CDH18: variants seen among roughly 807,000 people sequenced by gnomAD.
CDH18 encodes cadherin-18.
A neutral mutation model predicts 67.9 loss-of-function variants in CDH18; 31 were observed. The ratio of observed to expected loss-of-function variants is 0.46; its 90% CI spans 0.34 to 0.62. The LOEUF is 0.62. Among genes scored for constraint, CDH18 ranks in the 20% least tolerant of loss-of-function variants. CDH18 has a pLI of 0.01. For missense variants in CDH18, 890 were observed against 975.5 expected, an observed-to-expected ratio of 0.91 and a Z score of 1.17; for synonymous variants, 362 against 347.2, an observed-to-expected ratio of 1.04 and a Z score of -0.48.
At chr5:20,095,392 G>GAAGA (rs746033336) in intron 2 of CDH18, among the ~76,000 whole-genome samples, 15,975 of 64,236 alleles carry the variant, frequency 0.25, 2,483 homozygotes, top group Middle Eastern at 0.29. Context: ...AAGAGAAACA[G>GAAGA]AAGAAAGAAA....
intron 1 of CDH18, among the ~76,000 whole-genome samples, chr5:20,400,501 A>ATAAT (rs1420495728): frequency 6.6e-6 from 1 of 151,694 alleles, no homozygotes; most frequent in Non-Finnish European, 1.5e-5. Flanking sequence ...AAATAAATAA[A>ATAAT]TACATAAAAA....
chr5:20,264,404 T>G (rs1001374232), intron 1 of CDH18, among the ~76,000 whole-genome samples: 9 of 152,112 alleles, frequency 5.9e-5, no homozygotes, highest in Admixed American at 3.9e-4. Context: ...AAGTTGTGAA[T>G]GATAGCCCAA....
chr5:19,505,103 G>A (rs1008585793), intron 10 of CDH18, among the ~76,000 whole-genome samples: 1 of 151,924 alleles, frequency 6.6e-6, no homozygotes, highest in Non-Finnish European at 1.5e-5. Context: ...TAAACAGAAA[G>A]CTCACATATG....
intron 2 of CDH18, among the ~76,000 whole-genome samples, chr5:20,236,408 T>C (rs140312368): frequency 0.011 from 1,711 of 151,798 alleles, 34 homozygotes; most frequent in African/African-American, 0.039. Flanking sequence ...CCAGAAATAT[T>C]ATGTTTCAAA....
chr5:20,172,299 G>C, intron 2 of CDH18, among the ~76,000 whole-genome samples: 1 of 132,322 alleles, frequency 7.6e-6, no homozygotes, highest in Non-Finnish European at 1.6e-5. Context: ...AGATTTAGTA[G>C]CATGCAAATC....
intron 2 of CDH18, among the ~76,000 whole-genome samples, chr5:20,101,189 T>G (rs907125365): frequency 1.3e-5 from 2 of 152,106 alleles, no homozygotes; most frequent in East Asian, 3.9e-4. Context: ...CTGGAATTTC[T>G]GGGCTCAAGC....
At chr5:19,877,503 T>A (rs995616209) in intron 2 of CDH18, among the ~76,000 whole-genome samples, 5 of 152,162 alleles carry the variant, frequency 3.3e-5, no homozygotes, top group Non-Finnish European at 5.9e-5. Flanking sequence ...GTTACATACT[T>A]CACAGCATGT....
chr5:20,435,540 T>C (rs962870879), intron 1 of CDH18, among the ~76,000 whole-genome samples: 1 of 151,922 alleles, frequency 6.6e-6, no homozygotes, highest in Non-Finnish European at 1.5e-5. Flanking sequence ...AGGTCCTACA[T>C]CTGATATTGT....
intron 1 of CDH18, among the ~76,000 whole-genome samples, chr5:20,407,536 C>G (rs946128744): frequency 6.9e-6 from 1 of 145,418 alleles, no homozygotes; most frequent in South Asian, 2.2e-4. Context: ...AACAGAATCT[C>G]AGGGAAAAAA....
At chr5:20,569,672 T>C (rs575358198) in intron 1 of CDH18, among the ~76,000 whole-genome samples, 2 of 152,292 alleles carry the variant, frequency 1.3e-5, no homozygotes, top group African/African-American at 2.4e-5. Context: ...ATCATGCTCA[T>C]TGGTATTTAC....
chr5:20,406,193 A>T (rs373735763), intron 1 of CDH18, among the ~76,000 whole-genome samples: 3 of 152,308 alleles, frequency 2.0e-5, no homozygotes, highest in South Asian at 2.1e-4. Context: ...CAAATGTCCA[A>T]CAATGATAGA....
intron 2 of CDH18, among the ~76,000 whole-genome samples, chr5:19,850,505 G>A (rs1417359256): frequency 2.0e-5 from 3 of 151,788 alleles, no homozygotes; most frequent in Non-Finnish European, 4.4e-5. Context: ...GCCTCAATGA[G>A]ATAAGAAGCT....
rs1249877883 is a variant in CDH18, at chr5:20,130,058, A to ATATTATTATTATTAT, written c.-518+125371_-518+125385dup. 5.7e-4 allele frequency among the ~76,000 whole-genome samples: 80 copies of ATATTATTATTATTAT among 140,426 alleles called. No individual in the cohort carries two copies. In the South Asian group the frequency reaches 0.013, roughly 22 times the overall value. 92.1% of individuals were successfully genotyped at this position (140,426 alleles called of 152,430 possible). On this transcript the variant is annotated intron_variant, in intron 2 of 14. Transcript: ENST00000507958. ...TATACAGATAATAGATTTAGTGGCA[A>ATATTATTATTATTAT]TATTATTATTATTATTGTTATTATT...
At chr5:20,440,720 T>A (rs1264753291) in intron 1 of CDH18, among the ~76,000 whole-genome samples, 1 of 151,962 alleles carries the variant, frequency 6.6e-6, no homozygotes, top group Non-Finnish European at 1.5e-5. Context: ...GAAAGTATGT[T>A]GTTGTTGGAA....
intron 1 of CDH18, among the ~76,000 whole-genome samples, chr5:20,518,825 C>T (rs565970340): frequency 6.6e-6 from 1 of 152,214 alleles, no homozygotes; most frequent in East Asian, 1.9e-4. Context: ...TATTTGTTAA[C>T]ACAATTCATT....
intron 2 of CDH18, among the ~76,000 whole-genome samples, chr5:20,208,840 A>G (rs1349186023): frequency 1.3e-5 from 2 of 152,090 alleles, no homozygotes; most frequent in Admixed American, 6.6e-5. Context: ...GGGACTAATA[A>G]CCAGAATATA....
intron 2 of CDH18, among the ~76,000 whole-genome samples, chr5:20,216,732 A>T (rs893754273): frequency 6.6e-6 from 1 of 151,996 alleles, no homozygotes; most frequent in Non-Finnish European, 1.5e-5. Context: ...AAACAGCAAC[A>T]TCAGCAGCAG....
rs78683032 is a variant in CDH18 at position 20,457,952 on chromosome 5, G to A, written c.-580+117510C>T. 2.2e-3 allele frequency among the ~76,000 whole-genome samples: 338 copies of A among 152,300 alleles called. 3 individuals are homozygous for A. Among genetic ancestry groups the A allele is most frequent in the East Asian group, 0.012 (63 of 5,178 alleles). The stretch of plus-strand genomic sequence containing the variant: ...GACAGTAAAAGAGAGAATGAAATGT[G>A]ATGCTTATCTTCCCATTCAGTTGAC... On this transcript the variant is annotated intron_variant, in intron 1 of 14. Coordinates refer to the CDH18 transcript ENST00000507958.
intron 2 of CDH18, among the ~76,000 whole-genome samples, chr5:20,229,563 T>C (rs1005301723): frequency 2.2e-4 from 34 of 152,150 alleles, no homozygotes; most frequent in Non-Finnish European, 4.9e-4. Context: ...ACTAAATGCA[T>C]CAATTTAGAA....
Sources: allele counts gnomAD v4.1 joint callset (sites outside exome capture counted in the v4.1 genomes callset), GRCh38; gene constraint gnomAD v4.1.1; transcripts MANE v1.5; gene names NCBI Gene and HGNC (gene_info 2026-07-23, HGNC 2026-07-21).